Variants in FHIT observed in about 807,000 individuals in gnomAD.
FHIT encodes the protein fragile histidine triad diadenosine triphosphatase.
FHIT carries 19 observed loss-of-function variants against 17.9 expected under a neutral mutation model. The observed-to-expected ratio is 1.06, with a 90% CI of 0.74 to 1.56. FHIT has a LOEUF of 1.56. Ranked by LOEUF, FHIT falls within the 40% of genes most tolerant of loss-of-function variation. The pLI, the probability that FHIT is intolerant of heterozygous loss-of-function variation, is 0.00. For missense variants in FHIT, 248 were observed against 189.2 expected (o/e 1.31, Z -1.82); for synonymous variants, 81 against 69.7 (o/e 1.16, Z -0.81).
chr3:59,752,892 C>T (rs917481035), intron 8 of FHIT, among the ~76,000 whole-genome samples: 14 of 152,096 alleles, frequency 9.2e-5, no homozygotes, highest in African/African-American at 2.2e-4. Flanking sequence ...TACCCAGCCC[C>T]GGGTAGTTCC....
intron 5 of FHIT, among the ~76,000 whole-genome samples, chr3:60,405,707 A>C (rs979407088): frequency 2.6e-5 from 4 of 152,180 alleles, no homozygotes; most frequent in African/African-American, 9.6e-5. Flanking sequence ...AACATCTAGC[A>C]AAGTTGGGAG....
At chr3:60,619,209 CTGTTCTAGAATCACTGT>C (rs1391561926) in intron 4 of FHIT, among the ~76,000 whole-genome samples, 2 of 152,118 alleles carry the variant, frequency 1.3e-5, no homozygotes, top group African/African-American at 4.8e-5. Context: ...AAGCTATCTA[CTGTTCTAGAATCACTGT>C]CGTTGTTTAC....
intron 5 of FHIT, among the ~76,000 whole-genome samples, chr3:60,523,426 T>C (rs2035449259): frequency 6.6e-6 from 1 of 152,180 alleles, no homozygotes; most frequent in Non-Finnish European, 1.5e-5. Flanking sequence ...ACTAAAATTG[T>C]CTAATGGAAA....
At chr3:60,705,592 C>G (rs566037050) in intron 4 of FHIT, among the ~76,000 whole-genome samples, 1 of 152,296 alleles carries the variant, frequency 6.6e-6, no homozygotes, top group Non-Finnish European at 1.5e-5. Context: ...TGGTTTTATG[C>G]CATTACCAGA....
At chr3:61,079,162 G>A (rs948995931) in intron 2 of FHIT, among the ~76,000 whole-genome samples, 1 of 152,148 alleles carries the variant, frequency 6.6e-6, no homozygotes, top group Non-Finnish European at 1.5e-5. Context: ...AAAGTTGTTT[G>A]CAGTCACAAA....
At chr3:60,137,861 A>G (rs1259336764) in intron 5 of FHIT, among the ~76,000 whole-genome samples, 3 of 152,328 alleles carry the variant, frequency 2.0e-5, no homozygotes, top group East Asian at 1.9e-4. Flanking sequence ...ACATCTACAC[A>G]TAAGAGACCC....
intron 5 of FHIT, among the ~76,000 whole-genome samples, chr3:60,197,920 A>T (rs888956160): frequency 6.6e-6 from 1 of 152,184 alleles, no homozygotes; most frequent in Non-Finnish European, 1.5e-5. Flanking sequence ...ACATTGTTGG[A>T]GGAAGATTCT....
intron 5 of FHIT, among the ~76,000 whole-genome samples, chr3:60,366,832 C>T (rs1241587974): frequency 6.6e-6 from 1 of 152,146 alleles, no homozygotes; most frequent in African/African-American, 2.4e-5. Context: ...ATCCTATAGA[C>T]AGCAACCCTA....
At chr3:60,911,886 G>C (rs1706762435) in intron 3 of FHIT, among the ~76,000 whole-genome samples, 1 of 151,994 alleles carries the variant, frequency 6.6e-6, no homozygotes, top group Non-Finnish European at 1.5e-5. Flanking sequence ...AAACTATAGA[G>C]GTTTAAAGAA....
At chr3:59,952,040 T>C (rs932092429) in intron 7 of FHIT, among the ~76,000 whole-genome samples, 1 of 152,168 alleles carries the variant, frequency 6.6e-6, no homozygotes, top group African/African-American at 2.4e-5. Context: ...AGCCTTGATC[T>C]CATCCTGGGC....
chr3:59,771,481 T>C (rs989158721), intron 8 of FHIT, among the ~76,000 whole-genome samples: 12 of 152,342 alleles, frequency 7.9e-5, no homozygotes, highest in Middle Eastern at 6.8e-3. Flanking sequence ...GAGGGCCTAT[T>C]ACATTTGGGG....
At chr3:59,879,884 C>T (rs776854136) in intron 8 of FHIT, among the ~76,000 whole-genome samples, 19 of 152,062 alleles carry the variant, frequency 1.2e-4, no homozygotes, top group Admixed American at 1.2e-3. Context: ...TATTTCTGAG[C>T]CTTTAATTCA....
chr3:60,618,827 C>T (rs1342635857), intron 4 of FHIT, among the ~76,000 whole-genome samples: 4 of 152,152 alleles, frequency 2.6e-5, no homozygotes, highest in Admixed American at 2.6e-4. Flanking sequence ...CTGTATAAGA[C>T]AGACTTGACC....
At chr3:59,962,760 C>T (rs1240340852) in intron 7 of FHIT, among the ~76,000 whole-genome samples, 2 of 152,112 alleles carry the variant, frequency 1.3e-5, no homozygotes, top group African/African-American at 2.4e-5. Flanking sequence ...AAACTTAAAG[C>T]AATTGTTCAC....
chr3:60,930,915 G>A (rs549576216), intron 3 of FHIT, among the ~76,000 whole-genome samples: 124 of 152,296 alleles, frequency 8.1e-4, no homozygotes, highest in Middle Eastern at 3.4e-3. Flanking sequence ...ACATGCACAC[G>A]TGTGTTTATT....
chr3:61,044,994 G>C (rs1014571261), intron 2 of FHIT, among the ~76,000 whole-genome samples: 3 of 152,148 alleles, frequency 2.0e-5, no homozygotes, highest in Admixed American at 2.0e-4. Context: ...ACTAAACATG[G>C]AAAGGAACAA....
At chr3:60,800,883 G>A (rs1701163753) in intron 4 of FHIT, among the ~76,000 whole-genome samples, 1 of 152,146 alleles carries the variant, frequency 6.6e-6, no homozygotes, top group African/African-American at 2.4e-5. Context: ...TATTTCTGGG[G>A]AAGTTCATTT....
chr3:60,788,991 T>C (rs1700677353), intron 4 of FHIT, among the ~76,000 whole-genome samples: 2 of 151,692 alleles, frequency 1.3e-5, no homozygotes, highest in African/African-American at 4.8e-5. Context: ...AGAAAGATAA[T>C]TTGTTGTGAA....
intron 5 of FHIT, among the ~76,000 whole-genome samples, chr3:60,222,116 A>C (rs1190232631): frequency 1.3e-5 from 2 of 152,134 alleles, no homozygotes; most frequent in Non-Finnish European, 2.9e-5. Flanking sequence ...CATCCAGGAG[A>C]CAATCAAGGG....
Sources: gnomAD v4.1 joint callset for allele counts (sites outside exome capture counted in the v4.1 genomes callset) on GRCh38, gnomAD v4.1.1 for gene constraint, MANE v1.5 for transcripts, NCBI Gene and HGNC (gene_info 2026-07-23, HGNC 2026-07-21) for gene names.